The following RYK variants were observed in gnomAD, a reference collection of about 807,000 sequenced individuals.
RYK encodes inactive tyrosine-protein kinase RYK.
In RYK, 21 loss-of-function variants were observed where a neutral mutation model predicts 70.2. The observed-to-expected ratio is 0.30, with a 90% CI of 0.21 to 0.43. The LOEUF (loss-of-function observed/expected upper bound fraction) is 0.43. Among genes scored for constraint, RYK ranks in the 20% least tolerant of loss-of-function variants. RYK has a pLI of 1.00. For synonymous variants in RYK, 267 were observed against 278.0 expected (o/e 0.96, Z 0.39); for missense variants, 604 against 753.3 (o/e 0.80, Z 2.32).
At chr3:134,236,492 C>T (rs1391030116) in intron 1 of RYK, among the ~76,000 whole-genome samples, 1 of 152,128 alleles carries the variant, frequency 6.6e-6, no homozygotes, top group African/African-American at 2.4e-5. Flanking sequence ...GTTAATATAA[C>T]AATACTACCC....
At chr3:134,178,820 C>A (rs2013198807) in intron 10 of RYK, 1 of 152,190 alleles carries the variant, frequency 6.6e-6, no homozygotes, top group Non-Finnish European at 1.5e-5. Flanking sequence ...CTGGAAATAA[C>A]TGCTAATTTT....
At chr3:134,206,269 C>T (rs1251086653) in intron 5 of RYK, among the ~76,000 whole-genome samples, 1 of 152,092 alleles carries the variant, frequency 6.6e-6, no homozygotes, top group Non-Finnish European at 1.5e-5. Context: ...ACTATTCTTA[C>T]CAAAAGAGTT....
chr3:134,202,877 GAAAT>G lies in RYK; in HGVS notation c.644-7_644-4del. The G allele has an allele frequency of 6.2e-7, 1 of 1,607,560 alleles. No homozygotes were observed. The highest frequency in any genetic ancestry group is 8.5e-7 in the Non-Finnish European group (1 of 1,177,998). Reference sequence around the variant, plus strand: ...TGGAGCTGCATGTACAGGATCATCTGAAATAAAAACAAAAAGCACATTTAGCTTT... The same window carrying G: ...TGGAGCTGCATGTACAGGATCATCTGAAAAACAAAAAGCACATTTAGCTTT... On this transcript the variant is annotated splice_region_variant and splice_polypyrimidine_tract_variant and intron_variant, in intron 5 of 14. Coordinates refer to ENST00000623711, the MANE Select transcript of RYK (RefSeq NM_002958.4).
At chr3:134,198,995 T>A (rs551109465) in intron 6 of RYK, among the ~76,000 whole-genome samples, 1 of 152,100 alleles carries the variant, frequency 6.6e-6, no homozygotes, top group Admixed American at 6.5e-5. Context: ...TTTCCCACAG[T>A]CACAAACTAA....
At chr3:134,197,244 A>G (rs1024373680) in intron 6 of RYK, among the ~76,000 whole-genome samples, 2 of 152,180 alleles carry the variant, frequency 1.3e-5, no homozygotes, top group African/African-American at 2.4e-5. Flanking sequence ...ATTGATCTAT[A>G]TGAGTTTATA....
intron 13 of RYK, among the ~76,000 whole-genome samples, chr3:134,168,393 T>C (rs554145025): frequency 4.6e-5 from 7 of 152,278 alleles, no homozygotes; most frequent in African/African-American, 1.7e-4. Context: ...AATGATAGAC[T>C]GGATTAAGAA....
chr3:134,222,439 G>T lies in RYK; in HGVS notation c.333C>A (p.Phe111Leu). ...TTACCTTGGACTTCGCATGCCAGGT[G>T]AAGTGCAGGAAATTTGTCTCACTGG... Reference protein sequence around the residue: ...LVPSETNFLHFTWHAKSKVEY... With the variant: ...LVPSETNFLHLTWHAKSKVEY... The change falls in exon 2 of 15, where the codon TTC becomes TTA. Residue 111 changes from phenylalanine to leucine, a missense_variant. By Grantham distance (22) the Phe-to-Leu change is conservative. Around this residue, in one of 2 missense-constraint regions of RYK, gnomAD observed 466 missense variants for 535.9 expected, o/e 0.87. Coordinates refer to ENST00000623711, the MANE Select transcript of RYK (RefSeq NM_002958.4). 6.2e-7 allele frequency: 1 copy of T among 1,613,304 alleles called. No homozygotes were observed. The highest frequency in any genetic ancestry group is 1.1e-5 in the South Asian group (1 of 91,034).
At chr3:134,216,646 A>C (rs1370119003) in intron 2 of RYK, among the ~76,000 whole-genome samples, 1 of 151,792 alleles carries the variant, frequency 6.6e-6, no homozygotes, top group Non-Finnish European at 1.5e-5. Context: ...CAAAAAACTT[A>C]GCTGGGCATG....
chr3:134,182,309 T>C (rs957971581), intron 10 of RYK, among the ~76,000 whole-genome samples: 5 of 152,242 alleles, frequency 3.3e-5, no homozygotes, highest in African/African-American at 1.2e-4. Flanking sequence ...TACATGGATT[T>C]ACAGTTGCCA....
At chr3:134,239,523 A>G (rs1250070263) in intron 1 of RYK, among the ~76,000 whole-genome samples, 1 of 152,150 alleles carries the variant, frequency 6.6e-6, no homozygotes, top group African/African-American at 2.4e-5. Context: ...GTAAACTTCC[A>G]TTAGTAAGTA....
At chr3:134,244,935 T>C (rs1374249375) in intron 1 of RYK, among the ~76,000 whole-genome samples, 1 of 152,166 alleles carries the variant, frequency 6.6e-6, no homozygotes, top group Non-Finnish European at 1.5e-5. Context: ...CCTTCCACCA[T>C]GTGAGAACAC....
chr3:134,189,780 T>G (rs1384284439), intron 8 of RYK, among the ~76,000 whole-genome samples: 2 of 148,572 alleles, frequency 1.3e-5, no homozygotes, highest in African/African-American at 5.0e-5. Context: ...AAAACTCTTA[T>G]AGTAATAAGA....
chr3:134,236,945 T>C (rs1400354277), intron 1 of RYK, among the ~76,000 whole-genome samples: 1 of 152,180 alleles, frequency 6.6e-6, no homozygotes, highest in Non-Finnish European at 1.5e-5. Context: ...TCAGTTACAT[T>C]AACCAGACTT....
At chr3:134,160,809 C>G (rs978078250) in intron 13 of RYK, among the ~76,000 whole-genome samples, 13 of 152,108 alleles carry the variant, frequency 8.5e-5, no homozygotes, top group Admixed American at 2.6e-4. Flanking sequence ...GAGCCGAGAT[C>G]GCGCCACTGC....
rs577277523 is a variant in RYK at position 134,191,839 on chromosome 3, T to C, written c.1015+10A>G. On this transcript the variant is annotated intron_variant, in intron 8 of 14. Transcript: ENST00000623711. ...CATACTTAAAAAACCGACTTTGAGATAATAAATACCTTCTTGGAGTACATC... is the reference window on the plus strand; with the variant it reads ...CATACTTAAAAAACCGACTTTGAGACAATAAATACCTTCTTGGAGTACATC... 30 of 1,592,744 alleles carry C rather than the reference T, an allele frequency of 1.9e-5. No homozygotes were observed. Among genetic ancestry groups the C allele is most frequent in the Non-Finnish European group, 2.4e-5 (28 of 1,172,124 alleles).
intron 1 of RYK, 22 bp from the exon 2 acceptor site, chr3:134,222,561 AT>A (rs1393402831): frequency 6.6e-7 from 1 of 1,514,418 alleles, no homozygotes; most frequent in Non-Finnish European, 9.0e-7. Context: ...TAGGAAAAAA[AT>A]AATTAAACAC....
intron 1 of RYK, among the ~76,000 whole-genome samples, chr3:134,243,923 T>C (rs1199603040): frequency 1.3e-5 from 2 of 152,202 alleles, no homozygotes; most frequent in Non-Finnish European, 2.9e-5. Flanking sequence ...AGGAGTGTAA[T>C]AATTTTGAAT....
chr3:134,160,912 T>C (rs1408303121), intron 13 of RYK, among the ~76,000 whole-genome samples: 1 of 152,134 alleles, frequency 6.6e-6, no homozygotes, highest in Non-Finnish European at 1.5e-5. Context: ...AGCCAAAATA[T>C]ACTTCAACAA....
chr3:134,209,815 G>T lies in RYK; in HGVS notation c.469C>A (p.Leu157Ile). ...GAATCTACTTTGCCAGTACAGGAAA[G>T]CTCTACCCGAAACACTGTTTAAAAA... ...PRTLSVFRVE[L>I]SCTGKVDSEV... The change falls in exon 4 of 15, where the codon CTT becomes ATT. Residue 157 changes from leucine to isoleucine, a missense_variant. Physicochemically the swap from Leu to Ile is conservative, Grantham distance 5 (BLOSUM62 2). Around this residue, in one of 2 missense-constraint regions of RYK, gnomAD observed 466 missense variants for 535.9 expected, o/e 0.87. Coordinates refer to ENST00000623711, the MANE Select transcript of RYK (RefSeq NM_002958.4). 6.7e-7 allele frequency: 1 copy of T among 1,495,822 alleles called. No homozygotes were observed. Among genetic ancestry groups the T allele is most frequent in the Non-Finnish European group, 8.9e-7 (1 of 1,126,920 alleles). 92.7% of individuals were successfully genotyped at this position (1,495,822 alleles called of 1,614,324 possible).
Sources: gnomAD v4.1 joint callset for allele counts (sites outside exome capture counted in the v4.1 genomes callset) on GRCh38, gnomAD v4.1.1 for gene constraint, gnomAD v4.1.1 regional missense constraint, MANE v1.5 for transcripts, NCBI Gene and HGNC (gene_info 2026-07-23, HGNC 2026-07-21) for gene names.